Variants in MAGI2 observed in about 807,000 individuals in gnomAD.
MAGI2 encodes membrane associated guanylate kinase, WW and PDZ domain containing 2.
MAGI2 carries 35 observed loss-of-function variants against 133.3 expected under a neutral mutation model. The ratio of observed to expected loss-of-function variants is 0.26; its 90% CI spans 0.20 to 0.35. The LOEUF is 0.35. Among genes scored for constraint, MAGI2 ranks in the 10% least tolerant of loss-of-function variants. The probability of loss-of-function intolerance (pLI) is 1.00; values close to 1 mark genes in which losing one functional copy is unlikely to be tolerated. For synonymous variants in MAGI2, 729 were observed against 710.6 expected, an observed-to-expected ratio of 1.03 and a Z score of -0.41; for missense variants, 1,636 against 1,863.4, an observed-to-expected ratio of 0.88 and a Z score of 2.25.
intron 9 of MAGI2, among the ~76,000 whole-genome samples, chr7:78,335,641 C>T (rs1053407165): frequency 2.0e-5 from 3 of 152,202 alleles, no homozygotes; most frequent in Admixed American, 2.0e-4. Context: ...TAAGTGTCAG[C>T]CATGCAACCA....
intron 1 of MAGI2, among the ~76,000 whole-genome samples, chr7:79,191,754 A>G (rs187294365): frequency 6.6e-6 from 1 of 151,948 alleles, no homozygotes; most frequent in African/African-American, 2.4e-5. Flanking sequence ...GAATATAATT[A>G]CATTGCTTTA....
chr7:78,872,800 G>C (rs1306693248), intron 2 of MAGI2, among the ~76,000 whole-genome samples: 1 of 151,966 alleles, frequency 6.6e-6, no homozygotes, highest in East Asian at 1.9e-4. Context: ...TAACATAAGA[G>C]AAGTATCTAT....
At chr7:78,909,915 G>A (rs968166843) in intron 2 of MAGI2, among the ~76,000 whole-genome samples, 1 of 152,134 alleles carries the variant, frequency 6.6e-6, no homozygotes, top group Non-Finnish European at 1.5e-5. Flanking sequence ...ACTGGATAAA[G>A]AAAATGTGGT....
chr7:78,247,190 A>T (rs905870426), intron 10 of MAGI2, among the ~76,000 whole-genome samples: 2 of 152,162 alleles, frequency 1.3e-5, no homozygotes, highest in African/African-American at 4.8e-5. Flanking sequence ...CATGATCAGG[A>T]CAGTCTCAAA....
At chr7:78,207,779 T>G (rs78171960) in intron 10 of MAGI2, among the ~76,000 whole-genome samples, 23,474 of 152,112 alleles carry the variant, frequency 0.15, 1,988 homozygotes, top group East Asian at 0.28. Flanking sequence ...TACTCAAACA[T>G]CACATCACCA....
intron 1 of MAGI2, among the ~76,000 whole-genome samples, chr7:79,356,832 C>T (rs777223587): frequency 8.5e-5 from 13 of 152,196 alleles, no homozygotes; most frequent in African/African-American, 2.2e-4. Context: ...GTTTTGTCAT[C>T]GGGTCTTACT....
chr7:78,204,967 T>A (rs376596662), intron 10 of MAGI2, among the ~76,000 whole-genome samples: 7 of 152,192 alleles, frequency 4.6e-5, no homozygotes, highest in Non-Finnish European at 1.0e-4. Flanking sequence ...AACTAGAATA[T>A]ATTTGTAACT....
chr7:78,130,280 C>T (rs576143447), intron 18 of MAGI2, among the ~76,000 whole-genome samples: 1 of 152,230 alleles, frequency 6.6e-6, no homozygotes, highest in East Asian at 1.9e-4. Flanking sequence ...GGAAGCCAAT[C>T]CAAGAGTAAA....
At chr7:79,191,284 T>A (rs1827630779) in intron 1 of MAGI2, among the ~76,000 whole-genome samples, 1 of 151,548 alleles carries the variant, frequency 6.6e-6, no homozygotes, top group South Asian at 2.1e-4. Context: ...ATATTTTCAA[T>A]GATTGGATCT....
intron 10 of MAGI2, chr7:78,251,899 G>A (rs1367680723): frequency 6.6e-6 from 1 of 150,964 alleles, no homozygotes; most frequent in Admixed American, 6.6e-5. Flanking sequence ...TCCCAACTTT[G>A]GCGGGTAGAG....
chr7:78,805,445 A>T (rs555128979), intron 2 of MAGI2, among the ~76,000 whole-genome samples: 1 of 152,266 alleles, frequency 6.6e-6, no homozygotes, highest in South Asian at 2.1e-4. Flanking sequence ...GCTGAAGAGG[A>T]AGAAAGTGGG....
intron 2 of MAGI2, among the ~76,000 whole-genome samples, chr7:78,735,953 A>G (rs1180015949): frequency 6.6e-6 from 1 of 152,220 alleles, no homozygotes; most frequent in African/African-American, 2.4e-5. Context: ...GGTTCCTTAT[A>G]AACATAACAA....
chr7:79,171,739 C>CAAAAAAAA (rs1331571986), intron 1 of MAGI2, among the ~76,000 whole-genome samples: 3 of 34,142 alleles, frequency 8.8e-5, no homozygotes, highest in African/African-American at 1.6e-4. Context: ...AGACAATAGC[C>CAAAAAAAA]AAAAATATAT....
intron 1 of MAGI2, among the ~76,000 whole-genome samples, chr7:79,084,269 T>C (rs1816295027): frequency 6.6e-6 from 1 of 151,798 alleles, no homozygotes; most frequent in Non-Finnish European, 1.5e-5. Context: ...CTATTTTATT[T>C]TCAAATATGT....
chr7:78,642,540 A>T (rs893294490), intron 2 of MAGI2, among the ~76,000 whole-genome samples: 1 of 152,216 alleles, frequency 6.6e-6, no homozygotes, highest in Admixed American at 6.5e-5. Flanking sequence ...TTACAAATTT[A>T]TCATTTGTCC....
intron 9 of MAGI2, among the ~76,000 whole-genome samples, chr7:78,324,810 CA>C (rs1788414846): frequency 6.6e-6 from 1 of 151,920 alleles, no homozygotes; most frequent in Non-Finnish European, 1.5e-5. Flanking sequence ...AAAACAACAA[CA>C]AAAAACTAGC....
intron 7 of MAGI2, among the ~76,000 whole-genome samples, chr7:78,355,235 G>T (rs1402860371): frequency 6.6e-6 from 1 of 152,154 alleles, no homozygotes; most frequent in Non-Finnish European, 1.5e-5. Context: ...GGCTGAGTTT[G>T]TGTTTTTCAT....
intron 2 of MAGI2, among the ~76,000 whole-genome samples, chr7:78,786,423 T>C (rs1826825474): frequency 6.6e-6 from 1 of 152,190 alleles, no homozygotes; most frequent in African/African-American, 2.4e-5. Context: ...AGTTCCTATT[T>C]CATTCAAAAT....
intron 1 of MAGI2, among the ~76,000 whole-genome samples, chr7:79,196,909 A>G (rs1828133067): frequency 6.6e-6 from 1 of 151,794 alleles, no homozygotes; most frequent in African/African-American, 2.4e-5. Context: ...CTGGGACTAC[A>G]GGCTCACACC....
Sources: allele counts gnomAD v4.1 joint callset (sites outside exome capture counted in the v4.1 genomes callset), GRCh38; gene constraint gnomAD v4.1.1; transcripts MANE v1.5; gene names NCBI Gene and HGNC (gene_info 2026-07-23, HGNC 2026-07-21).